The following ZNF423 variants were observed in gnomAD, a reference collection of about 807,000 sequenced individuals.
The protein encoded by ZNF423 is Ebf-associated zinc finger protein.
Under a neutral mutation model 95.8 loss-of-function variants are expected in ZNF423, and 12 were observed. The observed-to-expected ratio is 0.13, with a 90% confidence interval of 0.08 to 0.20. The LOEUF (loss-of-function observed/expected upper bound fraction) is 0.20. Ranked by LOEUF, ZNF423 falls within the 10% of genes least tolerant of loss-of-function variation. The probability of loss-of-function intolerance (pLI) is 1.00; values close to 1 mark genes in which losing one functional copy is unlikely to be tolerated. For missense variants in ZNF423, 1,316 were observed against 1,737.1 expected (o/e 0.76, Z 4.31); for synonymous variants, 749 against 711.9 (o/e 1.05, Z -0.83).
chr16:49,627,432 C>CCCAT (rs1181613688), intron 4 of ZNF423, among the ~76,000 whole-genome samples: 2 of 149,296 alleles, frequency 1.3e-5, no homozygotes, highest in African/African-American at 2.5e-5. Context: ...CCTCCATCTA[C>CCCAT]CCATCCATCC....
At chr16:49,512,272 C>T (rs985630426) in intron 7 of ZNF423, among the ~76,000 whole-genome samples, 6 of 152,154 alleles carry the variant, frequency 3.9e-5, no homozygotes, top group Non-Finnish European at 8.8e-5. Context: ...AGTCAATGAA[C>T]GCATTAACAG....
At chr16:49,622,906 G>A (rs1972133302) in intron 5 of ZNF423, among the ~76,000 whole-genome samples, 1 of 152,178 alleles carries the variant, frequency 6.6e-6, no homozygotes, top group Non-Finnish European at 1.5e-5. Context: ...TATGTGCAGT[G>A]TCTTCTATGG....
At chr16:49,625,099 C>G (rs1228083611) in intron 5 of ZNF423, among the ~76,000 whole-genome samples, 6 of 152,228 alleles carry the variant, frequency 3.9e-5, no homozygotes, top group African/African-American at 1.4e-4. Context: ...GTAGTTCAGG[C>G]CAGGCGTGGT....
intron 3 of ZNF423, among the ~76,000 whole-genome samples, chr16:49,669,341 GAAAAAGAAAAAGA>G (rs2030698461): frequency 6.7e-6 from 1 of 150,268 alleles, no homozygotes; most frequent in African/African-American, 2.4e-5. Context: ...AAAAAAAAAA[GAAAAAGAAAAAGA>G]AAAAAGAAAA....
chr16:49,696,733 G>A (rs1396585734), intron 3 of ZNF423, among the ~76,000 whole-genome samples: 1 of 151,930 alleles, frequency 6.6e-6, no homozygotes, highest in African/African-American at 2.4e-5. Context: ...CAGGGACCTG[G>A]CCTCATTAAG....
rs576979295 is a variant in ZNF423, at chr16:49,829,309, A to T, written c.40+26426T>A. 3.9e-5 allele frequency among the ~76,000 whole-genome samples: 6 copies of T among 152,240 alleles called. No homozygotes were observed. In the South Asian group the frequency reaches 1.2e-3, roughly 32 times the overall value. On this transcript the variant is annotated intron_variant, in intron 1 of 7. Transcript: ENST00000563137. ...AGTGGGCTGGGCTAGATACCCCTGA[A>T]ATGGAAGGATCCCACTATCTCATGG... is the stretch of plus-strand genomic sequence containing the variant.
At chr16:49,709,183 T>TATATATATATATATATAA (rs58833331) in intron 3 of ZNF423, among the ~76,000 whole-genome samples, 1,702 of 145,250 alleles carry the variant, frequency 0.012, 38 homozygotes, top group African/African-American at 0.026. Context: ...TATATATATA[T>TATATATATATATATATAA]GAAAACGGAG....
intron 3 of ZNF423, among the ~76,000 whole-genome samples, chr16:49,706,945 C>A (rs1235164343): frequency 6.6e-6 from 1 of 152,196 alleles, no homozygotes; most frequent in Non-Finnish European, 1.5e-5. Context: ...CAGGACAACC[C>A]ACACACCTGC....
At chr16:49,513,998 C>T (rs537718953) in intron 7 of ZNF423, among the ~76,000 whole-genome samples, 4 of 151,954 alleles carry the variant, frequency 2.6e-5, no homozygotes, top group Admixed American at 2.0e-4. Context: ...AGGCAGTGGC[C>T]GTCTGTCCTG....
intron 3 of ZNF423, among the ~76,000 whole-genome samples, chr16:49,641,123 C>T (rs557228581): frequency 5.8e-4 from 88 of 152,324 alleles, no homozygotes; most frequent in African/African-American, 2.0e-3. Context: ...AGTGCTTTCT[C>T]ACAACTGCAA....
At chr16:49,710,124 T>G (rs1393103132) in intron 3 of ZNF423, among the ~76,000 whole-genome samples, 1 of 151,770 alleles carries the variant, frequency 6.6e-6, no homozygotes, top group Non-Finnish European at 1.5e-5. Flanking sequence ...ACCAACAAAC[T>G]CTCCCTTGAC....
intron 1 of ZNF423, among the ~76,000 whole-genome samples, chr16:49,810,440 G>C (rs1251214570): frequency 6.6e-6 from 1 of 152,122 alleles, no homozygotes; most frequent in Non-Finnish European, 1.5e-5. Context: ...GGCCTTCCCA[G>C]ATCCCTGGAT....
intron 1 of ZNF423, among the ~76,000 whole-genome samples, chr16:49,848,924 A>G (rs1171445507): frequency 6.6e-6 from 1 of 152,206 alleles, no homozygotes; most frequent in Non-Finnish European, 1.5e-5. Flanking sequence ...TTGGATGACC[A>G]GGTTTAGAGA....
intron 2 of ZNF423, among the ~76,000 whole-genome samples, chr16:49,736,092 G>A (rs537433970): frequency 6.6e-6 from 1 of 152,218 alleles, no homozygotes; most frequent in East Asian, 1.9e-4. Context: ...CATATAGTAG[G>A]GGCTCAATAA....
At chr16:49,828,637 C>T (rs1312514990) in intron 1 of ZNF423, among the ~76,000 whole-genome samples, 1 of 152,246 alleles carries the variant, frequency 6.6e-6, no homozygotes, top group African/African-American at 2.4e-5. Flanking sequence ...AGACCCACCA[C>T]CAAATGCTTT....
intron 3 of ZNF423, among the ~76,000 whole-genome samples, chr16:49,709,346 TCTGACTCTTCC>T (rs2032470351): frequency 3.3e-5 from 5 of 151,870 alleles, no homozygotes; most frequent in Admixed American, 3.3e-4. Context: ...GGCACACAAA[TCTGACTCTTCC>T]CTGAAGCAGG....
intron 2 of ZNF423, among the ~76,000 whole-genome samples, chr16:49,765,177 T>C (rs2033907703): frequency 6.6e-6 from 1 of 152,128 alleles, no homozygotes; most frequent in Non-Finnish European, 1.5e-5. Context: ...GCAATGAGCC[T>C]TCTCTTTTAT....
Position 49,768,114 on chromosome 16 carries a change from T to C in ZNF423, c.100+21373A>G, listed in dbSNP as rs184524621. ...CCACTTCCGCAGGCTGGCTCTGGGC[T>C]GCACGAGGCTGGCAATTTCAGCGCT... On this transcript the variant is annotated intron_variant, in intron 2 of 7. Transcript: ENST00000563137. 1.0e-3 allele frequency among the ~76,000 whole-genome samples: 153 copies of C among 152,348 alleles called. 1 individual carries two copies. The highest frequency in any genetic ancestry group is 3.5e-3 in the African/African-American group (147 of 41,580).
intron 1 of ZNF423, among the ~76,000 whole-genome samples, chr16:49,807,154 G>T (rs776958766): frequency 6.6e-6 from 1 of 150,980 alleles, no homozygotes; most frequent in Non-Finnish European, 1.5e-5. Flanking sequence ...AAGCCAGGCC[G>T]GGGGCGGTGG....
Sources: gnomAD v4.1 joint callset for allele counts (sites outside exome capture counted in the v4.1 genomes callset) on GRCh38, gnomAD v4.1.1 for gene constraint, MANE v1.5 for transcripts, NCBI Gene and HGNC (gene_info 2026-07-23, HGNC 2026-07-21) for gene names.